Variants in PTPRD observed in about 807,000 individuals in gnomAD.
PTPRD encodes protein tyrosine phosphatase receptor type D.
In PTPRD, 34 loss-of-function variants were observed where a neutral mutation model predicts 214.5. The observed-to-expected ratio is 0.16, with a 90% CI of 0.12 to 0.21. PTPRD has a LOEUF of 0.21. PTPRD is among the 10% of genes least tolerant of loss of function. PTPRD has a pLI of 1.00. For missense variants in PTPRD, 2,545 were observed against 2,398.7 expected, an observed-to-expected ratio of 1.06 and a Z score of -1.27; for synonymous variants, 1,128 against 845.7, an observed-to-expected ratio of 1.33 and a Z score of -5.79.
chr9:8,621,644 GC>G (rs1435163650), intron 14 of PTPRD, among the ~76,000 whole-genome samples: 128 of 151,884 alleles, frequency 8.4e-4, no homozygotes, highest in Non-Finnish European at 1.7e-3. Flanking sequence ...AATTCCATTT[GC>G]TATTGAGCCA....
intron 39 of PTPRD, among the ~76,000 whole-genome samples, chr9:8,356,502 G>C (rs892216255): frequency 3.3e-5 from 5 of 152,292 alleles, no homozygotes; most frequent in East Asian, 3.9e-4. Context: ...CATGCAATAA[G>C]TTTCAGTGTT....
rs539018353 is a variant in PTPRD, at chr9:8,359,303, TG to T, written c.4661+16632del. On this transcript the variant is annotated intron_variant, in intron 39 of 45. Coordinates refer to ENST00000381196, the MANE Select transcript of PTPRD (RefSeq NM_002839.4). ...CCTAGAGAATCAGAAACTCAAGGGG[TG>T]GGGTCAAGCAGTTTGAATTTTATTA... is the stretch of plus-strand genomic sequence containing the variant. Among the ~76,000 whole-genome samples the T allele has an allele frequency of 1.9e-3, 282 of 150,992 alleles. 1 individual carries two copies. Among genetic ancestry groups the T allele is most frequent in the African/African-American group, 6.3e-3 (259 of 41,038 alleles).
Position 10,416,879 on chromosome 9 carries a change from G to T in PTPRD, c.-599-75862C>A, listed in dbSNP as rs192565657. Among the ~76,000 whole-genome samples the T allele has an allele frequency of 2.8e-3, 419 of 151,984 alleles. 1 individual carries two copies. The highest frequency in any genetic ancestry group is 6.8e-3 in the Middle Eastern group (2 of 294). ...GGCATAGCAAGGAGAGAGTTCTGAG[G>T]TGAGGGTTCTAAGAGTCCTGGAAAA... On this transcript the variant is annotated intron_variant, in intron 2 of 45. Coordinates refer to ENST00000381196, the MANE Select transcript of PTPRD (RefSeq NM_002839.4).
intron 11 of PTPRD, among the ~76,000 whole-genome samples, chr9:8,815,600 T>C (rs2154524456): frequency 6.6e-6 from 1 of 152,282 alleles, no homozygotes; most frequent in East Asian, 1.9e-4. Context: ...AATCATGGGG[T>C]CAAAAGTTAG....
At chr9:8,656,251 T>C (rs1176953894) in intron 12 of PTPRD, among the ~76,000 whole-genome samples, 1 of 152,202 alleles carries the variant, frequency 6.6e-6, no homozygotes, top group Non-Finnish European at 1.5e-5. Flanking sequence ...GATGATCTTT[T>C]AGCATACTAA....
intron 11 of PTPRD, among the ~76,000 whole-genome samples, chr9:8,836,574 T>A (rs192862794): frequency 6.7e-6 from 1 of 148,438 alleles, no homozygotes; most frequent in African/African-American, 2.5e-5. Flanking sequence ...AAGTTCAGAG[T>A]ATTAATAAAA....
At chr9:9,770,111 G>C (rs148937922) in intron 5 of PTPRD, among the ~76,000 whole-genome samples, 2,076 of 152,108 alleles carry the variant, frequency 0.014, 60 homozygotes, top group African/African-American at 0.046. Context: ...TATAATCCTT[G>C]GAGTATATAT....
intron 12 of PTPRD, 113 bp from the exon 13 acceptor site, chr9:8,636,957 T>A: frequency 9.6e-7 from 1 of 1,040,748 alleles, no homozygotes; most frequent in Non-Finnish European, 1.4e-6. Context: ...AGACATACAT[T>A]TTTACAATGC....
intron 14 of PTPRD, among the ~76,000 whole-genome samples, chr9:8,626,102 C>T (rs900733198): frequency 2.6e-5 from 4 of 151,752 alleles, no homozygotes; most frequent in African/African-American, 9.7e-5. Flanking sequence ...TATGCATGTA[C>T]AACTTTTAAA....
intron 2 of PTPRD, among the ~76,000 whole-genome samples, chr9:10,571,840 T>C (rs1163795611): frequency 6.6e-6 from 1 of 152,112 alleles, no homozygotes; most frequent in African/African-American, 2.4e-5. Flanking sequence ...TTCATGCTCC[T>C]GTGAGAATTG....
chr9:8,389,497 G>T, intron 36 of PTPRD, 90 bp from the exon 37 acceptor site: 1 of 944,450 alleles, frequency 1.1e-6, no homozygotes, highest in Non-Finnish European at 1.6e-6. Context: ...CTATCTTACT[G>T]TTCCACCTCA....
intron 12 of PTPRD, among the ~76,000 whole-genome samples, chr9:8,685,355 TG>T (rs905348876): frequency 6.6e-6 from 1 of 151,790 alleles, no homozygotes; most frequent in African/African-American, 2.4e-5. Flanking sequence ...GTCAGAATTT[TG>T]GGGAAAAAAA....
At chr9:8,323,225 C>G (rs1021010972) in intron 44 of PTPRD, among the ~76,000 whole-genome samples, 1 of 152,168 alleles carries the variant, frequency 6.6e-6, no homozygotes, top group African/African-American at 2.4e-5. Flanking sequence ...TCATTGACAA[C>G]ATACCTTGTT....
At chr9:8,808,136 C>A (rs2154521593) in intron 11 of PTPRD, among the ~76,000 whole-genome samples, 1 of 152,240 alleles carries the variant, frequency 6.6e-6, no homozygotes, top group South Asian at 2.1e-4. Context: ...TTGTCTTTTT[C>A]TTTCATCAAC....
intron 7 of PTPRD, among the ~76,000 whole-genome samples, chr9:9,599,351 G>A (rs1592641441): frequency 6.6e-6 from 1 of 152,004 alleles, no homozygotes; most frequent in Non-Finnish European, 1.5e-5. Context: ...GTAAATGTCT[G>A]AGTTGGGATT....
rs1217470105 is a variant in PTPRD at position 8,332,654 on chromosome 9, ATCTTC to A, written c.5380-923_5380-919del. On this transcript the variant is annotated intron_variant, in intron 43 of 45. Coordinates refer to ENST00000381196, the MANE Select transcript of PTPRD (RefSeq NM_002839.4). ...AAAAGAAGACACTAAGGCATTTCTGATCTTCTGATCCCTTGTGGAAATTTAAGGTG... is the reference window on the plus strand; with the variant it reads ...AAAAGAAGACACTAAGGCATTTCTGATGATCCCTTGTGGAAATTTAAGGTG... Among the ~76,000 whole-genome samples, 5 of 100,496 alleles carry A rather than the reference ATCTTC, an allele frequency of 5.0e-5. No individual in the cohort carries two copies. In the African/African-American group the frequency reaches 5.4e-4, roughly 11 times the overall value. 65.9% of individuals were successfully genotyped at this position (100,496 alleles called of 152,430 possible). A position where few individuals can be genotyped will look rare whatever the true frequency, so the allele number is the denominator to read the frequency against.
At chr9:8,968,501 G>A (rs564573043) in intron 11 of PTPRD, among the ~76,000 whole-genome samples, 7 of 151,938 alleles carry the variant, frequency 4.6e-5, no homozygotes, top group Non-Finnish European at 8.8e-5. Context: ...TTCTCTGATC[G>A]CCAGTGATGA....
rs7047804 is a variant in PTPRD at position 8,631,687 on chromosome 9, C to T, written c.352+1630G>A. On this transcript the variant is annotated intron_variant, in intron 14 of 45. Transcript: ENST00000381196. ...TGTTACTCTCAACTTATTTTATATA[C>T]GTATGTATCTTGCTGGAGTGTTAAA... is the stretch of plus-strand genomic sequence containing the variant. Among the ~76,000 whole-genome samples the T allele has an allele frequency of 3.4e-3, 521 of 151,838 alleles. 7 individuals are homozygous for T. Among genetic ancestry groups the T allele is most frequent in the Middle Eastern group, 0.014 (4 of 294 alleles).
intron 12 of PTPRD, among the ~76,000 whole-genome samples, chr9:8,675,703 G>A (rs1316182445): frequency 2.6e-5 from 4 of 151,808 alleles, no homozygotes; most frequent in Non-Finnish European, 4.4e-5. Flanking sequence ...ATCTCACGTC[G>A]CCTTCAACAT....
Sources: gnomAD v4.1 joint callset for allele counts (sites outside exome capture counted in the v4.1 genomes callset) on GRCh38, gnomAD v4.1.1 for gene constraint, MANE v1.5 for transcripts, NCBI Gene and HGNC (gene_info 2026-07-23, HGNC 2026-07-21) for gene names.